The following CLIC5 variants were observed in gnomAD, a reference collection of about 807,000 sequenced individuals.
CLIC5 encodes the protein chloride intracellular channel protein 5.
Under a neutral mutation model 24.7 loss-of-function variants are expected in CLIC5, and 20 were observed. The observed-to-expected ratio is 0.81, with a 90% CI of 0.57 to 1.18. The LOEUF is 1.18. Among genes scored for constraint, CLIC5 ranks in the 50% most tolerant of loss-of-function variants. CLIC5 has a pLI of 0.00. For missense variants in CLIC5, 341 were observed against 326.1 expected (o/e 1.05, Z -0.35); for synonymous variants, 159 against 135.6 (o/e 1.17, Z -1.20).
chr6:46,049,051 C>T (rs1262111445), intron 1 of CLIC5, among the ~76,000 whole-genome samples: 1 of 152,088 alleles, frequency 6.6e-6, no homozygotes, highest in African/African-American at 2.4e-5. Flanking sequence ...TTTGAATATC[C>T]CCTGCAACTA....
the CLIC5 span, among the ~76,000 whole-genome samples, chr6:46,128,210 C>T: frequency 6.2e-4 from 94 of 152,272 alleles, no homozygotes; most frequent in South Asian, 1.9e-3. Flanking sequence ...AGAGCAAGAG[C>T]CCAGGTGGCA....
intron 1 of CLIC5, among the ~76,000 whole-genome samples, chr6:45,977,750 G>A (rs1233595460): frequency 6.6e-6 from 1 of 152,128 alleles, no homozygotes; most frequent in African/African-American, 2.4e-5. Context: ...AGCATTATCT[G>A]TCTCTACTTT....
At chr6:46,003,949 T>C (rs187154215) in intron 1 of CLIC5, among the ~76,000 whole-genome samples, 1 of 152,258 alleles carries the variant, frequency 6.6e-6, no homozygotes, top group Non-Finnish European at 1.5e-5. Flanking sequence ...AATCACCTGG[T>C]ATATGAGAGG....
intron 3 of CLIC5, among the ~76,000 whole-genome samples, chr6:45,942,962 C>G (rs923878297): frequency 6.6e-6 from 1 of 152,246 alleles, no homozygotes; most frequent in Non-Finnish European, 1.5e-5. Context: ...CCTGGCCCTA[C>G]AGCAGTGTCC....
chr6:46,061,593 C>T (rs1762285941), intron 1 of CLIC5, among the ~76,000 whole-genome samples: 1 of 152,192 alleles, frequency 6.6e-6, no homozygotes, highest in Non-Finnish European at 1.5e-5. Context: ...ACTAGAGGGG[C>T]AACATCCTCA....
At chr6:46,042,156 T>A (rs1767824740) in intron 1 of CLIC5, among the ~76,000 whole-genome samples, 1 of 152,204 alleles carries the variant, frequency 6.6e-6, no homozygotes, top group Admixed American at 6.5e-5. Context: ...AAATGGGCTT[T>A]CAAAATCACT....
At chr6:46,121,725 G>C in the CLIC5 span, among the ~76,000 whole-genome samples, 1 of 152,094 alleles carries the variant, frequency 6.6e-6, no homozygotes, top group Non-Finnish European at 1.5e-5. Flanking sequence ...CAAAATAAAG[G>C]ATGGAGGAAG....
chr6:45,974,259 CTCT>C (rs1765302853), intron 1 of CLIC5, among the ~76,000 whole-genome samples: 1 of 151,792 alleles, frequency 6.6e-6, no homozygotes, highest in Admixed American at 6.6e-5. Context: ...ATCTCTGGGC[CTCT>C]GACACCTTCT....
At chr6:46,030,226 C>G (rs1391839181) in intron 1 of CLIC5, among the ~76,000 whole-genome samples, 1 of 152,148 alleles carries the variant, frequency 6.6e-6, no homozygotes, top group Non-Finnish European at 1.5e-5. Flanking sequence ...CCCGCATTTT[C>G]TTTACCAGTG....
intron 4 of CLIC5, 114 bp downstream of exon 4, chr6:45,941,433 G>C: frequency 2.4e-6 from 2 of 816,652 alleles, no homozygotes; most frequent in South Asian, 2.8e-5. Context: ...AAGCAGTATT[G>C]GTTCCAGATG....
chr6:45,978,778 C>T (rs146314259), intron 1 of CLIC5, among the ~76,000 whole-genome samples: 5 of 152,136 alleles, frequency 3.3e-5, no homozygotes, highest in African/African-American at 1.2e-4. Context: ...AGTGAAATCC[C>T]ATCTCTACTA....
intron 4 of CLIC5, among the ~76,000 whole-genome samples, chr6:45,936,825 C>T (rs572497400): frequency 3.8e-4 from 58 of 152,234 alleles, no homozygotes; most frequent in East Asian, 5.8e-4. Flanking sequence ...CACAAGAAAA[C>T]GAAGCAACTT....
chr6:46,056,733 C>G (rs1242936331), intron 1 of CLIC5, among the ~76,000 whole-genome samples: 2 of 152,100 alleles, frequency 1.3e-5, no homozygotes, highest in African/African-American at 2.4e-5. Flanking sequence ...TTGGGGGACT[C>G]TACTTCTTTT....
rs138612654 is a variant in CLIC5, at chr6:45,977,876, A to C, written c.64-22632T>G. Among the ~76,000 whole-genome samples, 527 of 152,328 alleles carry C rather than the reference A, an allele frequency of 3.5e-3. 2 individuals are homozygous for C. The highest frequency in any genetic ancestry group is 0.012 in the African/African-American group (506 of 41,582). On this transcript the variant is annotated intron_variant, in intron 1 of 5. Coordinates refer to ENST00000339561, the MANE Select transcript of CLIC5 (RefSeq NM_016929.5). ...CACTTGACAAATACTAAACATCAAC[A>C]ATGTGTGGGGTGCTGTTCTAGGTGC...
chr6:46,017,697 G>A (rs1767058080), upstream of CLIC5, among the ~76,000 whole-genome samples: 2 of 151,970 alleles, frequency 1.3e-5, no homozygotes, highest in Non-Finnish European at 2.9e-5. Context: ...GGAAGATGAA[G>A]GAGCTATACA....
upstream of CLIC5, among the ~76,000 whole-genome samples, chr6:46,082,612 C>A (rs572317071): frequency 7.7e-4 from 118 of 152,258 alleles, no homozygotes; most frequent in African/African-American, 2.6e-3. Context: ...AGACCTTTTA[C>A]ATTGGCTATT....
intron 1 of CLIC5, among the ~76,000 whole-genome samples, chr6:46,031,097 A>G (rs1173379883): frequency 6.6e-6 from 1 of 152,206 alleles, no homozygotes; most frequent in Admixed American, 6.5e-5. Flanking sequence ...TACTCATTTT[A>G]TTCAACAAAT....
At chr6:46,034,003 G>A (rs562707698) in intron 1 of CLIC5, among the ~76,000 whole-genome samples, 73 of 152,290 alleles carry the variant, frequency 4.8e-4, no homozygotes, top group Non-Finnish European at 7.4e-5. Context: ...CCAGGAACTT[G>A]CCACATGTTA....
At chr6:46,049,703 G>A (rs956887699) in intron 1 of CLIC5, among the ~76,000 whole-genome samples, 6 of 152,106 alleles carry the variant, frequency 3.9e-5, no homozygotes, top group African/African-American at 1.4e-4. Context: ...TTAACTCAGG[G>A]ACAAAAACAG....
Sources: allele counts gnomAD v4.1 joint callset (sites outside exome capture counted in the v4.1 genomes callset), GRCh38; gene constraint gnomAD v4.1.1; transcripts MANE v1.5; gene names NCBI Gene and HGNC (gene_info 2026-07-23, HGNC 2026-07-21).